The following ZMYND8 variants were observed in gnomAD, a reference collection of about 807,000 sequenced individuals.
The protein encoded by ZMYND8 is zinc finger MYND-type containing 8.
Under a neutral mutation model 140.8 loss-of-function variants are expected in ZMYND8, and 37 were observed. The observed-to-expected ratio is 0.26, with a 90% CI of 0.20 to 0.35. The LOEUF is 0.35. Ranked by LOEUF, ZMYND8 falls within the 10% of genes least tolerant of loss-of-function variation. ZMYND8 has a pLI of 1.00. For missense variants in ZMYND8, 1,068 were observed against 1,570.0 expected (o/e 0.68, Z 5.40); for synonymous variants, 592 against 597.1 (o/e 0.99, Z 0.12).
intron 11 of ZMYND8, among the ~76,000 whole-genome samples, chr20:47,270,493 T>C (rs1297946939): frequency 6.6e-6 from 1 of 151,092 alleles, no homozygotes; most frequent in Non-Finnish European, 1.5e-5. Context: ...AAACAGGTGA[T>C]CCATGAACCA....
intron 4 of ZMYND8, 75 bp from the exon 5 acceptor site, chr20:47,294,854 T>A: frequency 7.3e-7 from 1 of 1,375,062 alleles, no homozygotes; most frequent in Non-Finnish European, 1.0e-6. Flanking sequence ...TTTCTATTTT[T>A]TCAGTCAACT....
At chr20:47,290,588 T>TTG (rs1190903666) in intron 6 of ZMYND8, among the ~76,000 whole-genome samples, 1 of 141,654 alleles carries the variant, frequency 7.1e-6, no homozygotes, top group Non-Finnish European at 1.5e-5. Context: ...ATTTAGTTTT[T>TTG]TTTTTTTTTT....
At chr20:47,222,891 C>A (rs1452567850) in intron 19 of ZMYND8, among the ~76,000 whole-genome samples, 1 of 152,242 alleles carries the variant, frequency 6.6e-6, no homozygotes, top group East Asian at 1.9e-4. Context: ...ATTTATATAT[C>A]ATCTATGTCC....
Position 47,246,305 on chromosome 20 carries a change from C to G in ZMYND8, c.1987G>C (p.Glu663Gln), listed in dbSNP as rs758256671. 3.7e-6 allele frequency: 6 copies of G among 1,614,194 alleles called. No homozygotes were observed. Reference sequence around the variant, plus strand: ...GTGCTTTTCAGCTCCTCTTTAATCTCCACTGGGTTTGTAGGCTTGGGCTTT... The same window carrying G: ...GTGCTTTTCAGCTCCTCTTTAATCTGCACTGGGTTTGTAGGCTTGGGCTTT... ...KKKPKPTNPVEIKEELKSTSP... is the reference protein window; with the variant it reads ...KKKPKPTNPVQIKEELKSTSP... The change falls in exon 14 of 23, where the codon GAG (glutamate) becomes CAG (glutamine). Residue 663 changes from glutamate to glutamine, a missense_variant. Around this residue, in one of 10 missense-constraint regions of ZMYND8, gnomAD observed 383 missense variants for 431.2 expected, o/e 0.89. Transcript: ENST00000471951.
intron 19 of ZMYND8, 37 bp from the exon 20 acceptor site, chr20:47,221,511 A>G (rs746585042): frequency 6.2e-7 from 1 of 1,604,752 alleles, no homozygotes; most frequent in East Asian, 2.2e-5. Context: ...CCACATATAC[A>G]CAGAGTACGA....
At chr20:47,242,669 G>T (rs908455629) in intron 14 of ZMYND8, among the ~76,000 whole-genome samples, 3 of 152,252 alleles carry the variant, frequency 2.0e-5, no homozygotes, top group Non-Finnish European at 1.5e-5. Flanking sequence ...GGGCGGAGGG[G>T]TTACTGCTCT....
intron 11 of ZMYND8, among the ~76,000 whole-genome samples, chr20:47,264,264 A>G (rs181051636): frequency 1.7e-3 from 264 of 152,320 alleles, no homozygotes; most frequent in African/African-American, 6.0e-3. Context: ...AATTGTTTTA[A>G]GAAATAAGTT....
chr20:47,212,492 A>T (rs2035427562), intron 22 of ZMYND8, 150 bp downstream of exon 22: 1 of 850,232 alleles, frequency 1.2e-6, no homozygotes, highest in Non-Finnish European at 1.9e-6. Flanking sequence ...GGCACAGCGA[A>T]GAAGAAACGT....
At chr20:47,238,685 G>C (rs2039561990) in intron 15 of ZMYND8, 73 bp downstream of exon 15, 3 of 1,543,344 alleles carry the variant, frequency 1.9e-6, no homozygotes, top group Non-Finnish European at 2.6e-6. Flanking sequence ...AAATAAAAGA[G>C]CAATGACTTT....
At chr20:47,217,112 T>C (rs1262196868) in intron 21 of ZMYND8, among the ~76,000 whole-genome samples, 7 of 152,004 alleles carry the variant, frequency 4.6e-5, no homozygotes, top group Non-Finnish European at 1.0e-4. Flanking sequence ...GCAACAGTAC[T>C]CCATGGAAAT....
At chr20:47,346,182 CT>C (rs986994142) in intron 2 of ZMYND8, among the ~76,000 whole-genome samples, 6 of 152,156 alleles carry the variant, frequency 3.9e-5, no homozygotes, top group African/African-American at 1.2e-4. Context: ...TCCTGGCCCC[CT>C]CTCTTCAGTC....
rs2035091526 is a variant in ZMYND8, at chr20:47,210,467, TA to T, written c.*293del. On this transcript the variant is annotated 3_prime_UTR_variant, in exon 23 of 23. Transcript: ENST00000471951. ...TTTTCTTTTTTTTTTTTTAATAAGT[TA>T]AAGTTAATACAAATATAAAAAGGGG... 1 of 218,640 alleles carries T rather than the reference TA, an allele frequency of 4.6e-6. No homozygotes were observed. The highest frequency in any genetic ancestry group is 8.8e-6 in the Non-Finnish European group (1 of 113,132). 13.5% of individuals were successfully genotyped at this position (218,640 alleles called of 1,614,324 possible).
At chr20:47,344,959 AT>A (rs1384570796) in intron 2 of ZMYND8, among the ~76,000 whole-genome samples, 4 of 151,842 alleles carry the variant, frequency 2.6e-5, no homozygotes, top group Non-Finnish European at 5.9e-5. Flanking sequence ...CAAAAAAAAA[AT>A]TTTTTTAATT....
intron 21 of ZMYND8, among the ~76,000 whole-genome samples, chr20:47,214,776 T>C (rs1167837931): frequency 1.3e-5 from 2 of 152,186 alleles, no homozygotes; most frequent in Non-Finnish European, 2.9e-5. Context: ...ATTATAGGCA[T>C]GAGCCACCAC....
At chr20:47,303,723 A>C (rs1346895135) in intron 3 of ZMYND8, among the ~76,000 whole-genome samples, 1 of 152,022 alleles carries the variant, frequency 6.6e-6, no homozygotes, top group Non-Finnish European at 1.5e-5. Context: ...TGGAAGAATC[A>C]AATATGACTG....
chr20:47,346,416 G>T (rs2082337022), intron 2 of ZMYND8, among the ~76,000 whole-genome samples: 1 of 152,040 alleles, frequency 6.6e-6, no homozygotes, highest in Admixed American at 6.5e-5. Context: ...TGTGATGAGG[G>T]GGCAGCAGCC....
intron 21 of ZMYND8, among the ~76,000 whole-genome samples, chr20:47,215,236 G>A (rs1300222864): frequency 6.6e-6 from 1 of 152,172 alleles, no homozygotes; most frequent in Non-Finnish European, 1.5e-5. Flanking sequence ...AGCTGGGCGT[G>A]GTGGTGTATT....
At chr20:47,350,926 C>T (rs371316353) in intron 1 of ZMYND8, among the ~76,000 whole-genome samples, 3 of 152,216 alleles carry the variant, frequency 2.0e-5, no homozygotes, top group African/African-American at 7.2e-5. Flanking sequence ...GAAAATACAC[C>T]ATCAACTAGT....
chr20:47,319,755 C>T (rs1181095343), intron 2 of ZMYND8: 3 of 152,192 alleles, frequency 2.0e-5, no homozygotes, highest in Non-Finnish European at 4.4e-5. Flanking sequence ...TCTGGAAAAA[C>T]GACAACATCG....
Sources: gnomAD v4.1 joint callset for allele counts (sites outside exome capture counted in the v4.1 genomes callset) on GRCh38, gnomAD v4.1.1 for gene constraint, gnomAD v4.1.1 regional missense constraint, MANE v1.5 for transcripts, NCBI Gene and HGNC (gene_info 2026-07-23, HGNC 2026-07-21) for gene names.